PCDHGA2: variants seen among roughly 807,000 people sequenced by gnomAD.
PCDHGA2 encodes the protein protocadherin gamma-A2.
PCDHGA2 carries 40 observed loss-of-function variants against 59.2 expected under a neutral mutation model. The observed-to-expected ratio is 0.68, with a 90% CI of 0.52 to 0.88. The LOEUF (loss-of-function observed/expected upper bound fraction) is 0.88. PCDHGA2 is among the 40% of genes least tolerant of loss of function. PCDHGA2 has a pLI of 0.00. For missense variants in PCDHGA2, 1,226 were observed against 1,204.0 expected (o/e 1.02, Z -0.27); for synonymous variants, 560 against 526.0 (o/e 1.06, Z -0.89).
At position 141,381,820 on chromosome 5, in the gene PCDHGA2, C is replaced by CTTTCTTTCT. The variant is rs1279410534; in HGVS notation, c.2424+40427_2424+40428insTCTTTCTTT. On this transcript the variant is annotated intron_variant, in intron 1 of 3. Transcript: ENST00000394576. ...TCCCTCTTTCTTTCTTTCTTTCTTT[C>CTTTCTTTCT]TTCTTCTTTTTTTTTTTTTTTTTTT... is the stretch of plus-strand genomic sequence containing the variant. 4.1e-3 allele frequency among the ~76,000 whole-genome samples: 486 copies of CTTTCTTTCT among 119,674 alleles called. 3 individuals carry two copies. The highest frequency in any genetic ancestry group is 0.016 in the African/African-American group (465 of 29,196). The allele number at this position is 119,674 out of a possible 152,430, so 78.5% of individuals were successfully genotyped here.
At chr5:141,413,090 C>A in intron 1 of PCDHGA2, 2 of 1,391,312 alleles carry the variant, frequency 1.4e-6, no homozygotes, top group Non-Finnish European at 1.9e-6. Flanking sequence ...ACAGAGACAC[C>A]CTGAAGCCAC....
rs760227375 is a variant in PCDHGA2, at chr5:141,339,047, G to T, written c.76G>T (p.Ala26Ser). 1 of 1,610,298 alleles carries T rather than the reference G, an allele frequency of 6.2e-7. No homozygotes were observed. The highest frequency in any genetic ancestry group is 1.7e-5 in the Admixed American group (1 of 59,916). The change falls in exon 1 of 4, where the codon GCC becomes TCC. Residue 26 changes from alanine to serine, a missense_variant. Coordinates refer to ENST00000394576, the MANE Select transcript of PCDHGA2 (RefSeq NM_018915.4). ...LCFLLATLWEARAGQIRYSVR... is the reference protein window; with the variant it reads ...LCFLLATLWESRAGQIRYSVR... ...CTTCCTTTTGGCGACCCTGTGGGAG[G>T]CCAGGGCCGGGCAGATTCGCTATTC...
intron 1 of PCDHGA2, among the ~76,000 whole-genome samples, chr5:141,459,789 G>A (rs960868607): frequency 6.6e-6 from 1 of 152,206 alleles, no homozygotes; most frequent in Non-Finnish European, 1.5e-5. Context: ...AGTTTCAACT[G>A]TTTTTCCCTG....
chr5:141,501,290 TACACACACAC>T (rs55762287), intron 2 of PCDHGA2, among the ~76,000 whole-genome samples: 44 of 136,248 alleles, frequency 3.2e-4, no homozygotes, highest in Admixed American at 7.8e-4. Context: ...TATTCCCTTA[TACACACACAC>T]ACACACACAC....
chr5:141,453,545 A>T (rs2098768582), intron 1 of PCDHGA2, among the ~76,000 whole-genome samples: 1 of 151,998 alleles, frequency 6.6e-6, no homozygotes, highest in African/African-American at 2.4e-5. Flanking sequence ...TTCACACCAC[A>T]CTCTGTAGAT....
At chr5:141,409,405 C>T in intron 1 of PCDHGA2, 1 of 1,614,050 alleles carries the variant, frequency 6.2e-7, no homozygotes, top group Non-Finnish European at 8.5e-7. Context: ...CCAATAACTA[C>T]TACAAACTGG....
chr5:141,489,166 C>A lies in PCDHGA2; in HGVS notation c.2425-5641C>A. The A allele has an allele frequency of 9.1e-7, 1 of 1,099,536 alleles. No individual in the cohort carries two copies. The highest frequency in any genetic ancestry group is 1.3e-6 in the Non-Finnish European group (1 of 761,554). The allele number at this position is 1,099,536 out of a possible 1,614,324, so 68.1% of individuals were successfully genotyped here. ...AAGGAGACATAAGAGACTTCAGCTGCTGCATTCCAAGCCCTGGGTCTACCT... is the reference window on the plus strand; with the variant it reads ...AAGGAGACATAAGAGACTTCAGCTGATGCATTCCAAGCCCTGGGTCTACCT... On this transcript the variant is annotated intron_variant, in intron 1 of 3. Transcript: ENST00000394576. This position sits in a 1 kb window ranked among gnomAD's most constrained non-coding sequence, Gnocchi z 4.5.
chr5:141,383,514 G>A (rs778204328), intron 1 of PCDHGA2: 2 of 1,612,718 alleles, frequency 1.2e-6, no homozygotes, highest in South Asian at 2.2e-5. Context: ...GGGAGGAAGA[G>A]CGGGTTCACC....
intron 1 of PCDHGA2, among the ~76,000 whole-genome samples, chr5:141,455,160 G>GTT (rs59530096): frequency 1.3e-4 from 20 of 149,232 alleles, no homozygotes; most frequent in South Asian, 1.1e-3. Flanking sequence ...TAGTTTGTTG[G>GTT]TTTTTTTTTT....
chr5:141,356,544 C>T (rs1379165574), intron 1 of PCDHGA2: 1 of 1,614,126 alleles, frequency 6.2e-7, no homozygotes. Flanking sequence ...TCAATGACAA[C>T]CCACCCACTT....
chr5:141,440,321 C>T (rs1048535776), intron 1 of PCDHGA2: 1 of 152,104 alleles, frequency 6.6e-6, no homozygotes, highest in African/African-American at 2.4e-5. Context: ...ACAAAAATTA[C>T]TGGGCATGGT....
chr5:141,449,916 T>C (rs1453191109), intron 1 of PCDHGA2, among the ~76,000 whole-genome samples: 1 of 151,912 alleles, frequency 6.6e-6, no homozygotes, highest in East Asian at 1.9e-4. Context: ...CATATTTAAA[T>C]TCTACCATAC....
rs749150903 is a variant in PCDHGA2 at position 141,339,388 on chromosome 5, G to A, written c.417G>A (p.Glu139=). ...NAPRFGVEEL[E]LKISETTTPG... ...CTCGCTTTGGAGTAGAGGAACTGGAGCTAAAAATCAGTGAAACCACTACGC... is the reference window on the plus strand; with the variant it reads ...CTCGCTTTGGAGTAGAGGAACTGGAACTAAAAATCAGTGAAACCACTACGC... Residue 139 remains glutamate, a synonymous_variant, in exon 1 of 4, where the codon GAG becomes GAA. Coordinates refer to ENST00000394576, the MANE Select transcript of PCDHGA2 (RefSeq NM_018915.4). The A allele has an allele frequency of 6.2e-7, 1 of 1,614,218 alleles. No homozygotes were observed. Among genetic ancestry groups the A allele is most frequent in the South Asian group, 1.1e-5 (1 of 91,080 alleles).
intron 2 of PCDHGA2, among the ~76,000 whole-genome samples, chr5:141,501,223 T>G (rs1247662371): frequency 6.6e-6 from 1 of 151,280 alleles, no homozygotes; most frequent in African/African-American, 2.4e-5. Flanking sequence ...CTTCCTAGAT[T>G]TCTCAGTTTT....
intron 1 of PCDHGA2, among the ~76,000 whole-genome samples, chr5:141,420,845 G>A (rs1038454602): frequency 6.6e-6 from 1 of 152,200 alleles, no homozygotes; most frequent in African/African-American, 2.4e-5. Flanking sequence ...GGTGTTCTTG[G>A]TAAAGTTTTA....
intron 1 of PCDHGA2, chr5:141,399,738 G>T: frequency 1.2e-6 from 2 of 1,613,268 alleles, no homozygotes; most frequent in South Asian, 2.2e-5. Flanking sequence ...GCTCGCCTGC[G>T]CTCAGCGCAA....
chr5:141,488,046 G>A (rs958459817), intron 1 of PCDHGA2, among the ~76,000 whole-genome samples: 1 of 152,182 alleles, frequency 6.6e-6, no homozygotes, highest in African/African-American at 2.4e-5. Flanking sequence ...CCAAGGGATT[G>A]AGGGGAAATA....
At chr5:141,384,889 G>GTGGC in intron 1 of PCDHGA2, 1 of 1,613,882 alleles carries the variant, frequency 6.2e-7, no homozygotes, top group Non-Finnish European at 8.5e-7. Context: ...CACCGTGGCT[G>GTGGC]TGGCTGACAG....
chr5:141,374,993 TC>T, intron 1 of PCDHGA2: 1 of 1,614,056 alleles, frequency 6.2e-7, no homozygotes, highest in Non-Finnish European at 8.5e-7. Context: ...AATTTCAACT[TC>T]TGCAAATCTA....
Sources: allele counts gnomAD v4.1 joint callset (sites outside exome capture counted in the v4.1 genomes callset), GRCh38; gene constraint gnomAD v4.1.1; non-coding constraint Gnocchi (gnomAD v3.1); transcripts MANE v1.5; gene names NCBI Gene and HGNC (gene_info 2026-07-23, HGNC 2026-07-21).